The following DZIP1L variants were observed in gnomAD, a reference collection of about 807,000 sequenced individuals.
The protein encoded by DZIP1L is DAZ interacting zinc finger protein 1 like, also known as cilium assembly protein DZIP1L.
A neutral mutation model predicts 88.7 loss-of-function variants in DZIP1L; 90 were observed. The observed-to-expected ratio is 1.02, with a 90% CI of 0.86 to 1.21. The LOEUF (loss-of-function observed/expected upper bound fraction) is 1.21, where lower values mean the gene tolerates loss of function less well. DZIP1L is among the 50% of genes most tolerant of loss of function. The pLI, the probability that DZIP1L is intolerant of heterozygous loss-of-function variation, is 0.00. For missense variants in DZIP1L, 932 were observed against 955.8 expected (o/e 0.98, Z 0.33); for synonymous variants, 363 against 372.1 (o/e 0.98, Z 0.28).
chr3:138,087,529 TGA>T (rs1944004190), intron 6 of DZIP1L, among the ~76,000 whole-genome samples: 1 of 152,324 alleles, frequency 6.6e-6, no homozygotes, highest in Admixed American at 6.5e-5. Flanking sequence ...AACAAAGGGC[TGA>T]GTTAATTTCC....
chr3:138,088,896 A>T (rs1007897485), intron 5 of DZIP1L: 3 of 987,104 alleles, frequency 3.0e-6, no homozygotes, highest in Non-Finnish European at 3.6e-6. Flanking sequence ...CTCCCTGAGG[A>T]CTCCTGCCTC....
rs1397999998 is a variant in DZIP1L at position 138,062,373 on chromosome 3, G to A, written c.*443C>T. 1.2e-5 allele frequency: 2 copies of A among 163,270 alleles called. No individual in the cohort carries two copies. Among genetic ancestry groups the A allele is most frequent in the African/African-American group, 4.8e-5 (2 of 41,700 alleles). The allele number at this position is 163,270 out of a possible 1,614,324, so 10.1% of individuals were successfully genotyped here. A position where few individuals can be genotyped will look rare whatever the true frequency, so the allele number is the denominator to read the frequency against. ...AGGCTAGAGAGCCTGGCGCAGAGTA[G>A]GTAGGCACTCAGTAAATAATTTTGG... On this transcript the variant is annotated 3_prime_UTR_variant, in exon 16 of 16. Transcript: ENST00000327532.
chr3:138,067,402 T>C (rs1051154100), intron 14 of DZIP1L, 129 bp downstream of exon 14: 2 of 1,096,124 alleles, frequency 1.8e-6, no homozygotes, highest in Non-Finnish European at 2.5e-6. Flanking sequence ...CCAAGCCAAA[T>C]AGAGAAAGAG....
At chr3:138,072,439 T>C (rs1356511208) in intron 11 of DZIP1L, among the ~76,000 whole-genome samples, 1 of 152,130 alleles carries the variant, frequency 6.6e-6, no homozygotes, top group Non-Finnish European at 1.5e-5. Flanking sequence ...GAGTAGTCAG[T>C]AGTTGAAAAC....
In DZIP1L at chr3:138,062,961, C is replaced by T. The variant is rs1455362166; in HGVS notation, c.2159G>A (p.Ser720Asn). 2.5e-6 allele frequency: 4 copies of T among 1,614,072 alleles called. No homozygotes were observed. The highest frequency in any genetic ancestry group is 3.4e-6 in the Non-Finnish European group (4 of 1,180,038). ...TTCCAAGGAGGAGATCTCCAAGTCA[C>T]TCTCATCTTCAGAAAGCTGCAGGGG... ...GRKPQLSEDE[S>N]DLEISSLEDL... is the part of the protein sequence containing the mutation. The change falls in exon 16 of 16, where the codon AGT becomes AAT. Residue 720 changes from serine to asparagine, a missense_variant. Transcript: ENST00000327532.
At chr3:138,108,495 A>C (rs1237530779) in intron 1 of DZIP1L, among the ~76,000 whole-genome samples, 2 of 152,136 alleles carry the variant, frequency 1.3e-5, no homozygotes, top group African/African-American at 2.4e-5. Context: ...TTCCTTAAAC[A>C]GTGGCTATTC....
At chr3:138,073,411 C>T (rs1943266306) in intron 11 of DZIP1L, among the ~76,000 whole-genome samples, 1 of 152,168 alleles carries the variant, frequency 6.6e-6, no homozygotes, top group African/African-American at 2.4e-5. Flanking sequence ...TTTGCAGACA[C>T]TCCCCAGTAC....
chr3:138,080,863 G>C (rs529632735), intron 9 of DZIP1L, among the ~76,000 whole-genome samples: 1 of 152,180 alleles, frequency 6.6e-6, no homozygotes, highest in Non-Finnish European at 1.5e-5. Context: ...TCTAAGCCTG[G>C]GTTTCCCCAT....
chr3:138,101,318 G>A lies in DZIP1L; in HGVS notation c.501+2153C>T, dbSNP rs568694265. On this transcript the variant is annotated intron_variant, in intron 2 of 15. Coordinates refer to ENST00000327532, the MANE Select transcript of DZIP1L (RefSeq NM_173543.3). ...TTTGTAGCTGGAGGCATGGGCAAGG[G>A]GGGTCCCTAGGCAGTAAACTCCCCC... Among the ~76,000 whole-genome samples the A allele has an allele frequency of 5.3e-5, 8 of 152,052 alleles. No individual in the cohort carries two copies. In the South Asian group the frequency reaches 1.7e-3, roughly 32 times the overall value.
chr3:138,103,519 G>C lies in DZIP1L; in HGVS notation c.453C>G (p.Ser151Arg), dbSNP rs758206074. The C allele has an allele frequency of 2.5e-6, 4 of 1,611,912 alleles. No individual in the cohort carries two copies. In the East Asian group the frequency reaches 8.9e-5, roughly 36 times the overall value. Residue 151 changes from serine to arginine, a missense_variant, in exon 2 of 16, where the codon AGC (serine) becomes AGG (arginine). Transcript: ENST00000327532. ...EESRRRRKMI[S>R]TLQQLLMQTG... Reference sequence around the variant, plus strand: ...TCTGCATTAGCAGCTGCTGCAGGGTGCTGATCATCTTGCGACGCCGGCGGC... The same window carrying C: ...TCTGCATTAGCAGCTGCTGCAGGGTCCTGATCATCTTGCGACGCCGGCGGC...
Position 138,063,115 on chromosome 3 carries a change from C to G in DZIP1L, c.2143-138G>C. The stretch of plus-strand genomic sequence containing the variant: ...CTGGGAAGAAAGCAATAGGGAGATG[C>G]TACTCCTCCTGACTTCTCAAGTCTT... On this transcript the variant is annotated intron_variant, in intron 15 of 15. Coordinates refer to ENST00000327532, the MANE Select transcript of DZIP1L (RefSeq NM_173543.3). The surrounding 1 kb of genome is among the most constrained non-coding windows in gnomAD (Gnocchi z 4.1). The G allele has an allele frequency of 1.1e-6, 1 of 930,358 alleles. No individual in the cohort carries two copies. The allele number at this position is 930,358 out of a possible 1,614,324, so 57.6% of individuals were successfully genotyped here.
intron 1 of DZIP1L, among the ~76,000 whole-genome samples, chr3:138,104,385 C>T (rs1279830314): frequency 6.6e-6 from 1 of 152,260 alleles, no homozygotes; most frequent in East Asian, 1.9e-4. Context: ...ATAGCAGGTC[C>T]TCAGTGAGCC....
chr3:138,103,753 G>A lies in DZIP1L; in HGVS notation c.219C>T (p.Ser73=). 1.2e-6 allele frequency: 2 copies of A among 1,613,946 alleles called. No homozygotes were observed. The highest frequency in any genetic ancestry group is 2.2e-5 in the South Asian group (2 of 91,090). Reference sequence around the variant, plus strand: ...CCGGGTCCACAGGCTGCCCACAGCGGCTGCACACCTCCCGGTCCAAGTTGC... The same window carrying A: ...CCGGGTCCACAGGCTGCCCACAGCGACTGCACACCTCCCGGTCCAAGTTGC... ...TFCNLDREVC[S]RCGQPVDPAL... Residue 73 remains serine, a synonymous_variant, in exon 2 of 16, where the codon AGC becomes AGT. Coordinates refer to ENST00000327532, the MANE Select transcript of DZIP1L (RefSeq NM_173543.3).
chr3:138,103,534 A>T lies in DZIP1L; in HGVS notation c.438T>A (p.Arg146=), dbSNP rs2042387468. The T allele has an allele frequency of 6.2e-7, 1 of 1,610,886 alleles. No homozygotes were observed. Residue 146 remains arginine, a synonymous_variant, in exon 2 of 16, where the codon CGT becomes CGA. Coordinates refer to ENST00000327532, the MANE Select transcript of DZIP1L (RefSeq NM_173543.3). ...LKGVREESRR[R]RKMISTLQQL... ...GCTGCAGGGTGCTGATCATCTTGCG[A>T]CGCCGGCGGCTCTCCTCCCGCACAC...
At chr3:138,064,531 T>G (rs1259127422) in intron 15 of DZIP1L, 97 bp downstream of exon 15, 1 of 1,613,006 alleles carries the variant, frequency 6.2e-7, no homozygotes, top group Admixed American at 1.7e-5. Context: ...AGGATGACAC[T>G]TGCTGGGCCC....
In DZIP1L at chr3:138,068,371, G is replaced by A. The variant is rs2107735859; in HGVS notation, c.1616-4C>T. ...AGTGTGCTCTGCTGGCTTTTGACTG[G>A]AAACACAGAAAGGAATGATTTTTGG... On this transcript the variant is annotated splice_polypyrimidine_tract_variant and splice_region_variant and intron_variant, in intron 12 of 15. Coordinates refer to ENST00000327532, the MANE Select transcript of DZIP1L (RefSeq NM_173543.3). 1.3e-6 allele frequency: 2 copies of A among 1,489,406 alleles called. No homozygotes were observed. Among genetic ancestry groups the A allele is most frequent in the African/African-American group, 1.4e-5 (1 of 70,544 alleles). 92.3% of individuals were successfully genotyped at this position (1,489,406 alleles called of 1,614,324 possible). A position where few individuals can be genotyped will look rare whatever the true frequency, so the allele number is the denominator to read the frequency against.
chr3:138,063,718 G>C lies in DZIP1L; in HGVS notation c.2143-741C>G, dbSNP rs1942778152. On this transcript the variant is annotated intron_variant, in intron 15 of 15. Transcript: ENST00000327532. This position sits in a 1 kb window ranked among gnomAD's most constrained non-coding sequence, Gnocchi z 4.1. The stretch of plus-strand genomic sequence containing the variant: ...CTGAGCGGCGCCTCAATCTGTTTGG[G>C]GCTGTTGGTGCTCTTTCACAATTTG... Among the ~76,000 whole-genome samples the C allele has an allele frequency of 6.6e-6, 1 of 152,222 alleles. No homozygotes were observed. Among genetic ancestry groups the C allele is most frequent in the South Asian group, 2.1e-4 (1 of 4,826 alleles).
At chr3:138,083,210 T>G (rs563129150) in intron 8 of DZIP1L, among the ~76,000 whole-genome samples, 1 of 152,214 alleles carries the variant, frequency 6.6e-6, no homozygotes, top group Admixed American at 6.5e-5. Flanking sequence ...ACCTCCAGAC[T>G]AGAGCTTAGT....
In DZIP1L at chr3:138,094,887, T is replaced by C. The variant is rs1408720926; in HGVS notation, c.683A>G (p.Glu228Gly). ...CTGGAGCTGCCGCTGCCTCTCCGCC[T>C]CCCTCTGGGCTTCCAGCTCCCCTTG... ...WTQGELEAQREAERQRQLQEA... is the reference protein window; with the variant it reads ...WTQGELEAQRGAERQRQLQEA... Residue 228 changes from glutamate (E) to glycine (G), a missense_variant, in exon 4 of 16, where the codon GAG (glutamate) becomes GGG (glycine). Glu to Gly is a moderately conservative substitution (Grantham distance 98). Transcript: ENST00000327532. The C allele has an allele frequency of 1.9e-6, 3 of 1,614,104 alleles. No individual in the cohort carries two copies. The highest frequency in any genetic ancestry group is 2.5e-6 in the Non-Finnish European group (3 of 1,180,044).
Sources: gnomAD v4.1 joint callset for allele counts (sites outside exome capture counted in the v4.1 genomes callset) on GRCh38, gnomAD v4.1.1 for gene constraint, Gnocchi (gnomAD v3.1) non-coding constraint, MANE v1.5 for transcripts, NCBI Gene and HGNC (gene_info 2026-07-23, HGNC 2026-07-21) for gene names.